GALNT18: variants seen among roughly 807,000 people sequenced by gnomAD.
The protein encoded by GALNT18 is GalNAc-transferase 18.
A neutral mutation model predicts 69.5 loss-of-function variants in GALNT18; 44 were observed. The ratio of observed to expected loss-of-function variants is 0.63; its 90% CI spans 0.50 to 0.81. The LOEUF (loss-of-function observed/expected upper bound fraction) is 0.81, where lower values mean the gene tolerates loss of function less well. Among genes scored for constraint, GALNT18 ranks in the 40% least tolerant of loss-of-function variants. GALNT18 has a pLI of 0.00. For missense variants in GALNT18, 715 were observed against 810.0 expected (o/e 0.88, Z 1.42); for synonymous variants, 364 against 318.2 (o/e 1.14, Z -1.53).
intron 1 of GALNT18, among the ~76,000 whole-genome samples, chr11:11,607,303 G>C (rs560267472): frequency 1.3e-5 from 2 of 152,134 alleles, no homozygotes; most frequent in Admixed American, 1.3e-4. Flanking sequence ...CATTAAAGAC[G>C]AGTATCTTAA....
rs529730662 is a variant in GALNT18 at position 11,564,873 on chromosome 11, C to T, written c.235+56486G>A. Reference sequence around the variant, plus strand: ...TGTTCATAAGTGGCCTGTGTCTGCTCGATACCATAGTGAACAGAATAGGTC... The same window carrying T: ...TGTTCATAAGTGGCCTGTGTCTGCTTGATACCATAGTGAACAGAATAGGTC... On this transcript the variant is annotated intron_variant, in intron 1 of 10. Transcript: ENST00000227756. This position sits in a 1 kb window ranked among gnomAD's most constrained non-coding sequence, Gnocchi z 4.3. Among the ~76,000 whole-genome samples the T allele has an allele frequency of 3.3e-5, 5 of 152,304 alleles. No individual in the cohort carries two copies. The highest frequency in any genetic ancestry group is 4.1e-4 in the South Asian group (2 of 4,822).
chr11:11,364,555 G>T (rs1047169507), intron 6 of GALNT18, among the ~76,000 whole-genome samples: 3 of 140,146 alleles, frequency 2.1e-5, no homozygotes, highest in South Asian at 2.2e-4. Context: ...TTACAAGAGG[G>T]GGGGAAAAAG....
At chr11:11,378,593 G>A (rs749849569) in intron 4 of GALNT18, among the ~76,000 whole-genome samples, 8 of 152,194 alleles carry the variant, frequency 5.3e-5, no homozygotes, top group Non-Finnish European at 8.8e-5. Context: ...CTGAGATTAC[G>A]TGCTACCTCC....
chr11:11,359,389 T>C (rs1173911960), intron 6 of GALNT18, among the ~76,000 whole-genome samples: 2 of 98,004 alleles, frequency 2.0e-5, no homozygotes, highest in African/African-American at 7.5e-5. Flanking sequence ...ACATATTTTT[T>C]AAAGTCTCAA....
In GALNT18 at chr11:11,606,287, T is replaced by A. The variant is rs889503790; in HGVS notation, c.235+15072A>T. On this transcript the variant is annotated intron_variant, in intron 1 of 10. Coordinates refer to ENST00000227756, the MANE Select transcript of GALNT18 (RefSeq NM_198516.3). This position sits in a 1 kb window ranked among gnomAD's most constrained non-coding sequence, Gnocchi z 5.4. ...GGAAAACAGGAAAAACCGGACCCAG[T>A]CTCCACCTTTAAGTAACCCACAGTC... Among the ~76,000 whole-genome samples, 1 of 152,156 alleles carries A rather than the reference T, an allele frequency of 6.6e-6. No homozygotes were observed. Among genetic ancestry groups the A allele is most frequent in the Non-Finnish European group, 1.5e-5 (1 of 68,026 alleles).
Position 11,511,246 on chromosome 11 carries a change from C to T in GALNT18, c.236-62310G>A, listed in dbSNP as rs1857157999. Among the ~76,000 whole-genome samples, 1 of 152,210 alleles carries T rather than the reference C, an allele frequency of 6.6e-6. No individual in the cohort carries two copies. Among genetic ancestry groups the T allele is most frequent in the Non-Finnish European group, 1.5e-5 (1 of 68,046 alleles). ...AATCATGGAATCCCAGCCAAAGAAT[C>T]TGCTGAAGACTGAAGGGACCGGCTG... On this transcript the variant is annotated intron_variant, in intron 1 of 10. Coordinates refer to ENST00000227756, the MANE Select transcript of GALNT18 (RefSeq NM_198516.3). This position sits in a 1 kb window ranked among gnomAD's most constrained non-coding sequence, Gnocchi z 4.9.
intron 1 of GALNT18, among the ~76,000 whole-genome samples, chr11:11,487,341 A>T (rs1019384490): frequency 2.0e-5 from 3 of 152,116 alleles, no homozygotes; most frequent in Non-Finnish European, 2.9e-5. Flanking sequence ...GTGCACCAAA[A>T]CCTCGCAAAT....
At chr11:11,316,020 A>G (rs12421854) in intron 9 of GALNT18, among the ~76,000 whole-genome samples, 37,376 of 152,162 alleles carry the variant, frequency 0.25, 4,858 homozygotes, top group Non-Finnish European at 0.26. Context: ...CTCAGAGGAC[A>G]ATAAATACAG....
At position 11,528,615 on chromosome 11, in the gene GALNT18, C is replaced by A. The variant is rs7934355; in HGVS notation, c.236-79679G>T. Among the ~76,000 whole-genome samples, 1,105 of 152,270 alleles carry A rather than the reference C, an allele frequency of 7.3e-3. 18 individuals carry two copies. The highest frequency in any genetic ancestry group is 0.025 in the African/African-American group (1,033 of 41,552). On this transcript the variant is annotated intron_variant, in intron 1 of 10. Transcript: ENST00000227756. The stretch of plus-strand genomic sequence containing the variant: ...TCTTTTTGTTAACAAATCTCCCTGA[C>A]AAGCATGTGGATGATGGGCTATGCG...
At position 11,402,020 on chromosome 11, in the gene GALNT18, A is replaced by G. The variant is rs969786992; in HGVS notation, c.596-22756T>C. ...TTGCCAAGTGGACAAAGGTGAGACAAATCCTTCTAGTTAGAGGAATAGTAT... is the reference window on the plus strand; with the variant it reads ...TTGCCAAGTGGACAAAGGTGAGACAGATCCTTCTAGTTAGAGGAATAGTAT... On this transcript the variant is annotated intron_variant, in intron 3 of 10. Coordinates refer to ENST00000227756, the MANE Select transcript of GALNT18 (RefSeq NM_198516.3). The surrounding 1 kb of genome is among the most constrained non-coding windows in gnomAD (Gnocchi z 4.0). Among the ~76,000 whole-genome samples the G allele has an allele frequency of 4.6e-5, 7 of 152,256 alleles. No homozygotes were observed. The highest frequency in any genetic ancestry group is 7.2e-5 in the African/African-American group (3 of 41,472).
intron 9 of GALNT18, among the ~76,000 whole-genome samples, chr11:11,293,852 T>C (rs1161325382): frequency 6.6e-6 from 1 of 152,240 alleles, no homozygotes; most frequent in Non-Finnish European, 1.5e-5. Context: ...TGTCAGATAC[T>C]GTGCTTTGTC....
rs144067895 is a variant in GALNT18 at position 11,355,044 on chromosome 11, T to C, written c.1093-14040A>G. On this transcript the variant is annotated intron_variant, in intron 6 of 10. Coordinates refer to ENST00000227756, the MANE Select transcript of GALNT18 (RefSeq NM_198516.3). ...CATCCTGGTCCAAGTCCCTATTATTTTTGTGTGGGCATCTCCATCCAGAGC... is the reference window on the plus strand; with the variant it reads ...CATCCTGGTCCAAGTCCCTATTATTCTTGTGTGGGCATCTCCATCCAGAGC... 1.1e-4 allele frequency among the ~76,000 whole-genome samples: 16 copies of C among 152,288 alleles called. No homozygotes were observed. In the South Asian group the frequency reaches 1.5e-3, roughly 14 times the overall value.
intron 1 of GALNT18, among the ~76,000 whole-genome samples, chr11:11,508,577 A>C (rs1443530392): frequency 1.3e-5 from 2 of 152,164 alleles, no homozygotes; most frequent in African/African-American, 4.8e-5. Context: ...GCTTCCCCAA[A>C]TTGTTGTTGT....
intron 9 of GALNT18, among the ~76,000 whole-genome samples, chr11:11,294,745 A>C (rs1849366222): frequency 6.6e-6 from 1 of 152,144 alleles, no homozygotes; most frequent in African/African-American, 2.4e-5. Context: ...CAATGTTTTC[A>C]GCAACTTCCC....
At chr11:11,293,531 C>CTTTTTTTTTTTT (rs1564883642) in intron 9 of GALNT18, among the ~76,000 whole-genome samples, 1 of 89,188 alleles carries the variant, frequency 1.1e-5, no homozygotes, top group African/African-American at 4.4e-5. Flanking sequence ...TTACAAACCC[C>CTTTTTTTTTTTT]TCTTTTTTTT....
Position 11,297,938 on chromosome 11 carries a change from T to A in GALNT18, c.1513-4745A>T, listed in dbSNP as rs371725465. The stretch of plus-strand genomic sequence containing the variant: ...TAAAACAATCAACACATCCGTATCC[T>A]GGATCTTACGCTAGTGGCATTTTCC... On this transcript the variant is annotated intron_variant, in intron 9 of 10. Transcript: ENST00000227756. Among the ~76,000 whole-genome samples, 5 of 152,342 alleles carry A rather than the reference T, an allele frequency of 3.3e-5. No individual in the cohort carries two copies. In the East Asian group the frequency reaches 9.7e-4, roughly 29 times the overall value.
Position 11,332,551 on chromosome 11 carries a change from G to A in GALNT18, c.1416+143C>T. 1 of 827,906 alleles carries A rather than the reference G, an allele frequency of 1.2e-6. No homozygotes were observed. The allele number at this position is 827,906 out of a possible 1,614,324, so 51.3% of individuals were successfully genotyped here. ...TGTAAAAGTAAAGGCTGTCTTGCAG[G>A]TGCAGAACCCAGCGCCCGGTCCCCA... On this transcript the variant is annotated intron_variant, in intron 8 of 10. Coordinates refer to ENST00000227756, the MANE Select transcript of GALNT18 (RefSeq NM_198516.3). The surrounding 1 kb of genome is among the most constrained non-coding windows in gnomAD (Gnocchi z 4.3).
chr11:11,279,971 G>C lies in GALNT18; in HGVS notation c.1678-8681C>G, dbSNP rs146960771. On this transcript the variant is annotated intron_variant, in intron 10 of 10. Coordinates refer to ENST00000227756, the MANE Select transcript of GALNT18 (RefSeq NM_198516.3). The stretch of plus-strand genomic sequence containing the variant: ...GTCACAGATGAAGGAGGCAGGGACT[G>C]AGAAGCAGGGGGTGCGGGTGGAGGG... Among the ~76,000 whole-genome samples, 3 of 152,116 alleles carry C rather than the reference G, an allele frequency of 2.0e-5. No individual in the cohort carries two copies. The East Asian group carries it at 5.8e-4, about 29-fold the overall frequency.
chr11:11,412,887 T>C (rs928728420), intron 3 of GALNT18, among the ~76,000 whole-genome samples: 2 of 152,108 alleles, frequency 1.3e-5, no homozygotes, highest in African/African-American at 4.8e-5. Context: ...AAGGCTGAAG[T>C]GCTAGAAATT....
Sources: gnomAD v4.1 joint callset for allele counts (sites outside exome capture counted in the v4.1 genomes callset) on GRCh38, gnomAD v4.1.1 for gene constraint, Gnocchi (gnomAD v3.1) non-coding constraint, MANE v1.5 for transcripts, NCBI Gene and HGNC (gene_info 2026-07-23, HGNC 2026-07-21) for gene names.